IMMP2L: variants seen among roughly 807,000 people sequenced by gnomAD.
IMMP2L encodes mitochondrial inner membrane protease subunit 2.
In IMMP2L, 18 loss-of-function variants were observed where a neutral mutation model predicts 19.3. The observed-to-expected ratio is 0.93, with a 90% confidence interval of 0.64 to 1.38. IMMP2L has a LOEUF of 1.38. Ranked by LOEUF, IMMP2L falls within the 40% of genes most tolerant of loss-of-function variation. The probability of loss-of-function intolerance (pLI) is 0.00; values close to 1 mark genes in which losing one functional copy is unlikely to be tolerated. For missense variants in IMMP2L, 233 were observed against 218.2 expected, an observed-to-expected ratio of 1.07 and a Z score of -0.43; for synonymous variants, 76 against 73.0, an observed-to-expected ratio of 1.04 and a Z score of -0.21.
At position 110,906,583 on chromosome 7, in the gene IMMP2L, C is replaced by T. The variant is rs572770464; in HGVS notation, c.306-19888G>A. On this transcript the variant is annotated intron_variant, in intron 4 of 5. Coordinates refer to ENST00000405709, the MANE Select transcript of IMMP2L (RefSeq NM_032549.4). ...TTACTTGGAAAATCAGTATGAACAGCGCTTCGGAACACAGACTCTGGATGG... is the reference window on the plus strand; with the variant it reads ...TTACTTGGAAAATCAGTATGAACAGTGCTTCGGAACACAGACTCTGGATGG... 9.9e-5 allele frequency among the ~76,000 whole-genome samples: 15 copies of T among 152,218 alleles called. No individual in the cohort carries two copies. The South Asian group carries it at 2.1e-3, about 21-fold the overall frequency.
chr7:111,249,938 T>G (rs1023542191), intron 3 of IMMP2L, among the ~76,000 whole-genome samples: 4 of 152,134 alleles, frequency 2.6e-5, no homozygotes, highest in African/African-American at 9.7e-5. Context: ...ATAAAGGATA[T>G]TCAAACAGGA....
chr7:111,057,921 A>T (rs903939830), intron 3 of IMMP2L, among the ~76,000 whole-genome samples: 13 of 152,320 alleles, frequency 8.5e-5, no homozygotes, highest in African/African-American at 3.1e-4. Flanking sequence ...ATATATATAC[A>T]TACCTGCACA....
At chr7:111,368,211 G>C (rs1277462158) in intron 3 of IMMP2L, among the ~76,000 whole-genome samples, 1 of 151,848 alleles carries the variant, frequency 6.6e-6, no homozygotes, top group Non-Finnish European at 1.5e-5. Flanking sequence ...TTTTACGGCA[G>C]CCCAGCATCC....
intron 3 of IMMP2L, among the ~76,000 whole-genome samples, chr7:111,467,153 G>C (rs974785632): frequency 2.0e-5 from 3 of 152,106 alleles, no homozygotes; most frequent in African/African-American, 7.2e-5. Flanking sequence ...GAAGGCCCTG[G>C]TGTAAATCCT....
At chr7:111,462,570 A>G (rs1328423843) in intron 3 of IMMP2L, among the ~76,000 whole-genome samples, 2 of 152,188 alleles carry the variant, frequency 1.3e-5, no homozygotes, top group Non-Finnish European at 2.9e-5. Context: ...ACGGGTGACA[A>G]TACAAGCATA....
chr7:110,729,503 T>A (rs754838349), intron 5 of IMMP2L, among the ~76,000 whole-genome samples: 14 of 152,126 alleles, frequency 9.2e-5, no homozygotes, highest in African/African-American at 3.4e-4. Context: ...CACATGGAGA[T>A]TGGAATTGGA....
intron 3 of IMMP2L, among the ~76,000 whole-genome samples, chr7:111,315,143 C>T (rs1056030779): frequency 2.6e-5 from 4 of 152,100 alleles, no homozygotes; most frequent in African/African-American, 7.2e-5. Context: ...ACATTTGTGA[C>T]GCTATCACAG....
At chr7:111,018,888 A>G (rs1371183140) in intron 3 of IMMP2L, among the ~76,000 whole-genome samples, 5 of 150,772 alleles carry the variant, frequency 3.3e-5, no homozygotes, top group African/African-American at 1.2e-4. Flanking sequence ...GCATTGATTT[A>G]AAAAAAATCC....
At chr7:110,915,350 A>G (rs10223976) in intron 4 of IMMP2L, among the ~76,000 whole-genome samples, 5,396 of 152,248 alleles carry the variant, frequency 0.035, 329 homozygotes, top group African/African-American at 0.12. Context: ...GCTACATGAA[A>G]TAAGCCTGAC....
chr7:110,805,356 C>G (rs1350529844), intron 5 of IMMP2L, among the ~76,000 whole-genome samples: 4 of 151,948 alleles, frequency 2.6e-5, no homozygotes, highest in African/African-American at 9.7e-5. Context: ...GTTAAATTAA[C>G]AGAACCTAGA....
chr7:111,301,207 G>A lies in IMMP2L; in HGVS notation c.239+186031C>T, dbSNP rs542299806. On this transcript the variant is annotated intron_variant, in intron 3 of 5. Transcript: ENST00000405709. The stretch of plus-strand genomic sequence containing the variant: ...TCTCTAATGCCTAATGATGTTGTAC[G>A]TCTTTTCATTGTACTTATTTGTCAT... Among the ~76,000 whole-genome samples, 5 of 152,028 alleles carry A rather than the reference G, an allele frequency of 3.3e-5. 1 individual carries two copies. The highest frequency in any genetic ancestry group is 4.8e-5 in the African/African-American group (2 of 41,396).
chr7:111,396,639 A>G (rs1048855775), intron 3 of IMMP2L, among the ~76,000 whole-genome samples: 2 of 152,136 alleles, frequency 1.3e-5, no homozygotes, highest in Non-Finnish European at 2.9e-5. Flanking sequence ...TACGTTTTGC[A>G]TATGTATCCC....
chr7:110,961,434 T>G (rs887229004), intron 4 of IMMP2L, among the ~76,000 whole-genome samples: 19 of 19,514 alleles, frequency 9.7e-4, no homozygotes, highest in African/African-American at 3.7e-3. Context: ...AAGTCTGTGT[T>G]TTTTTTTTTT....
At chr7:111,530,947 A>T (rs1306734987) in intron 1 of IMMP2L, among the ~76,000 whole-genome samples, 1 of 151,538 alleles carries the variant, frequency 6.6e-6, no homozygotes, top group East Asian at 1.9e-4. Context: ...GAGACATAAG[A>T]CTGAATATTA....
At chr7:110,954,885 T>A (rs925140884) in intron 4 of IMMP2L, among the ~76,000 whole-genome samples, 2 of 152,006 alleles carry the variant, frequency 1.3e-5, no homozygotes, top group African/African-American at 4.8e-5. Context: ...CAAAAATAGG[T>A]GTCACCATTA....
intron 3 of IMMP2L, among the ~76,000 whole-genome samples, chr7:111,186,658 T>G (rs569181211): frequency 6.6e-6 from 1 of 152,234 alleles, no homozygotes; most frequent in East Asian, 1.9e-4. Context: ...CTCAAACTCC[T>G]GACCTCAGGT....
chr7:111,403,760 A>G (rs1179574879), intron 3 of IMMP2L, among the ~76,000 whole-genome samples: 1 of 152,148 alleles, frequency 6.6e-6, no homozygotes, highest in East Asian at 1.9e-4. Flanking sequence ...GAGGATTGTG[A>G]AAGGGTAGAA....
intron 3 of IMMP2L, among the ~76,000 whole-genome samples, chr7:111,146,224 G>C (rs956931213): frequency 7.9e-6 from 1 of 126,398 alleles, no homozygotes; most frequent in Non-Finnish European, 1.6e-5. Flanking sequence ...TTTTTATGAG[G>C]AAGGAAAGAG....
intron 3 of IMMP2L, among the ~76,000 whole-genome samples, chr7:111,429,138 G>A (rs1168953563): frequency 1.3e-5 from 2 of 151,740 alleles, no homozygotes; most frequent in East Asian, 3.9e-4. Context: ...AGTAACACTT[G>A]TATATTAATC....
Sources: gnomAD v4.1 joint callset for allele counts (sites outside exome capture counted in the v4.1 genomes callset) on GRCh38, gnomAD v4.1.1 for gene constraint, MANE v1.5 for transcripts, NCBI Gene and HGNC (gene_info 2026-07-23, HGNC 2026-07-21) for gene names.